ANKRD46: variants seen among roughly 807,000 people sequenced by gnomAD.
ANKRD46 encodes the protein ankyrin repeat domain 46, also known as ankyrin repeat domain-containing protein 46.
Under a neutral mutation model 19.8 loss-of-function variants are expected in ANKRD46, and 13 were observed. The ratio of observed to expected loss-of-function variants is 0.66; its 90% CI spans 0.43 to 1.04. ANKRD46 has a LOEUF of 1.04. Among genes scored for constraint, ANKRD46 ranks in the 50% least tolerant of loss-of-function variants. ANKRD46 has a pLI of 0.00. For missense variants in ANKRD46, 185 were observed against 274.8 expected, an observed-to-expected ratio of 0.67 and a Z score of 2.31; for synonymous variants, 91 against 106.9, an observed-to-expected ratio of 0.85 and a Z score of 0.92.
In ANKRD46 at chr8:100,510,216, CCCGCCTGG is replaced by C. The variant is rs1811528831; in HGVS notation, c.*353_*360del. 1 of 220,910 alleles carries C rather than the reference CCCGCCTGG, an allele frequency of 4.5e-6. No individual in the cohort carries two copies. Among genetic ancestry groups the C allele is most frequent in the African/African-American group, 2.3e-5 (1 of 44,180 alleles). 13.7% of individuals were successfully genotyped at this position (220,910 alleles called of 1,614,324 possible). ...AGACAAACAAAACAGCATGACATCACCCGCCTGGGAGTTGTCATTTCAGACACCACGGC... is the reference window on the plus strand; with the variant it reads ...AGACAAACAAAACAGCATGACATCACGAGTTGTCATTTCAGACACCACGGC... On this transcript the variant is annotated 3_prime_UTR_variant, in exon 6 of 6. Coordinates refer to the ANKRD46 transcript ENST00000520552. This position sits in a 1 kb window ranked among gnomAD's most constrained non-coding sequence, Gnocchi z 4.9.
In ANKRD46 at chr8:100,521,447, A is replaced by G; in HGVS notation, c.*1108T>C. 1.0e-6 allele frequency: 1 copy of G among 985,472 alleles called. No individual in the cohort carries two copies. The highest frequency in any genetic ancestry group is 1.2e-6 in the Non-Finnish European group (1 of 829,932). The allele number at this position is 985,472 out of a possible 1,614,324, so 61.0% of individuals were successfully genotyped here. On this transcript the variant is annotated 3_prime_UTR_variant, in exon 5 of 5. Coordinates refer to ENST00000335659, the MANE Select transcript of ANKRD46 (RefSeq NM_001270377.2). ...AAAGAGGCCTTCAAACATACTGCTG[A>G]AAGCTGCAATATAGTTTGAGGGCCA...
At chr8:100,542,406 T>G (rs1211705469) in intron 1 of ANKRD46, among the ~76,000 whole-genome samples, 1 of 152,100 alleles carries the variant, frequency 6.6e-6, no homozygotes, top group Non-Finnish European at 1.5e-5. Context: ...AGAACAGACA[T>G]GAAACGACTG....
rs564163832 is a variant in ANKRD46 at position 100,534,383 on chromosome 8, A to G, written c.-130-1072T>C. On this transcript the variant is annotated intron_variant, in intron 1 of 4. Coordinates refer to ENST00000335659, the MANE Select transcript of ANKRD46 (RefSeq NM_001270377.2). The surrounding 1 kb of genome is among the most constrained non-coding windows in gnomAD (Gnocchi z 4.2). ...ATCACGAAGACATGATAACACACAA[A>G]ACATCTACGCTCCTCATTTCCTACT... Among the ~76,000 whole-genome samples, 1 of 152,332 alleles carries G rather than the reference A, an allele frequency of 6.6e-6. No homozygotes were observed. Among genetic ancestry groups the G allele is most frequent in the South Asian group, 2.1e-4 (1 of 4,828 alleles).
chr8:100,549,511 G>A (rs940526414), intron 1 of ANKRD46, among the ~76,000 whole-genome samples: 1 of 152,036 alleles, frequency 6.6e-6, no homozygotes, highest in Non-Finnish European at 1.5e-5. Context: ...CATAAAAATT[G>A]CATTACTAGT....
chr8:100,557,275 A>T lies in ANKRD46; in HGVS notation c.-131+2436T>A, dbSNP rs1007276575. ...CTTCTCCATCTCAGTACACTGTTTAACTAAAGCCTTCCAATAGCTCAGGCC... is the reference window on the plus strand; with the variant it reads ...CTTCTCCATCTCAGTACACTGTTTATCTAAAGCCTTCCAATAGCTCAGGCC... On this transcript the variant is annotated intron_variant, in intron 1 of 4. Transcript: ENST00000335659. This position sits in a 1 kb window ranked among gnomAD's most constrained non-coding sequence, Gnocchi z 5.9. Among the ~76,000 whole-genome samples the T allele has an allele frequency of 1.3e-5, 2 of 152,194 alleles. No individual in the cohort carries two copies. Among genetic ancestry groups the T allele is most frequent in the Admixed American group, 6.5e-5 (1 of 15,276 alleles).
chr8:100,523,738 A>C (rs888371971), intron 4 of ANKRD46, among the ~76,000 whole-genome samples: 2 of 151,750 alleles, frequency 1.3e-5, no homozygotes, highest in Non-Finnish European at 2.9e-5. Context: ...CCACCTCCCC[A>C]GCTCAAGCAA....
chr8:100,551,074 GC>G lies in ANKRD46; in HGVS notation c.-131+8636del. On this transcript the variant is annotated intron_variant, in intron 1 of 4. Coordinates refer to ENST00000335659, the MANE Select transcript of ANKRD46 (RefSeq NM_001270377.2). ...CAGCTCGGGGATGGCCTTGCCCACA[GC>G]CTTGGCAACACCAGTAGATGCAGGG... 1.2e-5 allele frequency: 6 copies of G among 510,766 alleles called. 1 individual carries two copies. The highest frequency in any genetic ancestry group is 9.4e-5 in the South Asian group (6 of 63,536). The allele number at this position is 510,766 out of a possible 1,614,324, so 31.6% of individuals were successfully genotyped here. A position where few individuals can be genotyped will look rare whatever the true frequency, so the allele number is the denominator to read the frequency against.
At position 100,557,325 on chromosome 8, in the gene ANKRD46, C is replaced by T. The variant is rs1812522055; in HGVS notation, c.-131+2386G>A. On this transcript the variant is annotated intron_variant, in intron 1 of 4. Transcript: ENST00000335659. This position sits in a 1 kb window ranked among gnomAD's most constrained non-coding sequence, Gnocchi z 5.9. ...CAAAGGCCACAGGGTCGTGCTTCAC[C>T]CTTTCTCTCATAAGCACATCCAAAC... 6.6e-6 allele frequency among the ~76,000 whole-genome samples: 1 copy of T among 152,210 alleles called. No homozygotes were observed. Among genetic ancestry groups the T allele is most frequent in the South Asian group, 2.1e-4 (1 of 4,828 alleles).
rs1377031243 is a variant in ANKRD46, at chr8:100,534,730, G to A, written c.-130-1419C>T. Among the ~76,000 whole-genome samples the A allele has an allele frequency of 1.3e-5, 2 of 152,140 alleles. No homozygotes were observed. The highest frequency in any genetic ancestry group is 2.9e-5 in the Non-Finnish European group (2 of 68,020). On this transcript the variant is annotated intron_variant, in intron 1 of 4. Coordinates refer to ENST00000335659, the MANE Select transcript of ANKRD46 (RefSeq NM_001270377.2). This position sits in a 1 kb window ranked among gnomAD's most constrained non-coding sequence, Gnocchi z 4.2. Reference sequence around the variant, plus strand: ...GGTCATGCCCCCAAATAATCCTAATGTTCTCTTAAATCCACAAGAAGGACA... The same window carrying A: ...GGTCATGCCCCCAAATAATCCTAATATTCTCTTAAATCCACAAGAAGGACA...
intron 1 of ANKRD46, among the ~76,000 whole-genome samples, chr8:100,540,278 G>T (rs1208221198): frequency 6.6e-6 from 1 of 151,634 alleles, no homozygotes; most frequent in Non-Finnish European, 1.5e-5. Context: ...TCAAACATAA[G>T]GGAGAACATT....
chr8:100,547,665 A>G (rs1812299748), intron 1 of ANKRD46, among the ~76,000 whole-genome samples: 1 of 152,118 alleles, frequency 6.6e-6, no homozygotes, highest in Non-Finnish European at 1.5e-5. Flanking sequence ...CTCCATACAT[A>G]TACTCCAGAC....
At chr8:100,541,107 T>C in intron 1 of ANKRD46, among the ~76,000 whole-genome samples, 1 of 150,854 alleles carries the variant, frequency 6.6e-6, no homozygotes, top group East Asian at 1.9e-4. Flanking sequence ...AACTGTGAAT[T>C]TGTGAAAATC....
At chr8:100,548,691 G>A (rs1264173708) in intron 1 of ANKRD46, among the ~76,000 whole-genome samples, 1 of 152,186 alleles carries the variant, frequency 6.6e-6, no homozygotes, top group Non-Finnish European at 1.5e-5. Flanking sequence ...AAGTCTTTCA[G>A]TGGAGTCTGG....
In ANKRD46 at chr8:100,510,376, C is replaced by G. The variant is rs1586771205; in HGVS notation, c.*201G>C. On this transcript the variant is annotated 3_prime_UTR_variant, in exon 6 of 6. Transcript: ENST00000520552. This position sits in a 1 kb window ranked among gnomAD's most constrained non-coding sequence, Gnocchi z 4.9. ...TGGGAGGCCAGGAAGACAGCAGGTG[C>G]CCGGGCTGCCTGCAGGGCAGGACTG... 4.6e-6 allele frequency: 2 copies of G among 436,622 alleles called. No individual in the cohort carries two copies. The highest frequency in any genetic ancestry group is 6.7e-5 in the East Asian group (2 of 29,686). The allele number at this position is 436,622 out of a possible 1,614,324, so 27.0% of individuals were successfully genotyped here. A position where few individuals can be genotyped will look rare whatever the true frequency, so the allele number is the denominator to read the frequency against.
intron 1 of ANKRD46, among the ~76,000 whole-genome samples, chr8:100,553,202 C>T (rs1812427767): frequency 6.6e-6 from 1 of 152,110 alleles, no homozygotes; most frequent in African/African-American, 2.4e-5. Flanking sequence ...AAAAATAAGC[C>T]TATTGTGGGA....
chr8:100,549,552 T>C (rs978109321), intron 1 of ANKRD46, among the ~76,000 whole-genome samples: 1 of 152,182 alleles, frequency 6.6e-6, no homozygotes, highest in Non-Finnish European at 1.5e-5. Flanking sequence ...ATATTTTTTA[T>C]TACTTTATCT....
chr8:100,544,468 A>G lies in ANKRD46; in HGVS notation c.-130-11157T>C, dbSNP rs888689137. 1.3e-5 allele frequency among the ~76,000 whole-genome samples: 2 copies of G among 152,236 alleles called. No homozygotes were observed. The highest frequency in any genetic ancestry group is 4.8e-5 in the African/African-American group (2 of 41,460). ...CTTGCTCGTACTCTAGACAAGGCTG[A>G]AGCAAGGAAAAACAATCAAGTGATC... is the stretch of plus-strand genomic sequence containing the variant. On this transcript the variant is annotated intron_variant, in intron 1 of 4. Transcript: ENST00000335659. The surrounding 1 kb of genome is among the most constrained non-coding windows in gnomAD (Gnocchi z 4.4).
intron 1 of ANKRD46, among the ~76,000 whole-genome samples, chr8:100,552,205 T>C (rs1053585889): frequency 2.6e-5 from 4 of 151,874 alleles, no homozygotes; most frequent in African/African-American, 9.7e-5. Context: ...TATTCAGTGA[T>C]TTTCCGGCTA....
chr8:100,512,722 G>A (rs1174898533), intron 5 of ANKRD46, among the ~76,000 whole-genome samples: 1 of 152,144 alleles, frequency 6.6e-6, no homozygotes, highest in Non-Finnish European at 1.5e-5. Context: ...TCTATTAGAG[G>A]AATATCTTTT....
Sources: gnomAD v4.1 joint callset for allele counts (sites outside exome capture counted in the v4.1 genomes callset) on GRCh38, gnomAD v4.1.1 for gene constraint, Gnocchi (gnomAD v3.1) non-coding constraint, MANE v1.5 for transcripts, NCBI Gene and HGNC (gene_info 2026-07-23, HGNC 2026-07-21) for gene names.